Variants in FMN2 observed in about 807,000 individuals in gnomAD.
The protein encoded by FMN2 is formin 2.
FMN2 carries 51 observed loss-of-function variants against 142.3 expected under a neutral mutation model. The observed-to-expected ratio is 0.36, with a 90% CI of 0.29 to 0.45. FMN2 has a LOEUF of 0.45. Ranked by LOEUF, FMN2 falls within the 20% of genes least tolerant of loss-of-function variation. The probability of loss-of-function intolerance (pLI) is 1.00; values close to 1 mark genes in which losing one functional copy is unlikely to be tolerated. For missense variants in FMN2, 1,936 were observed against 2,122.8 expected, an observed-to-expected ratio of 0.91 and a Z score of 1.73; for synonymous variants, 882 against 869.8, an observed-to-expected ratio of 1.01 and a Z score of -0.25.
At chr1:240,316,634 G>T (rs1670789432) in intron 8 of FMN2, among the ~76,000 whole-genome samples, 3 of 152,248 alleles carry the variant, frequency 2.0e-5, no homozygotes, top group Admixed American at 1.3e-4. Flanking sequence ...TCTTTCTTGG[G>T]TATTTGGATC....
Position 240,464,001 on chromosome 1 carries a change from G to GA in FMN2, c.5061-8360dup, listed in dbSNP as rs1037965808. Among the ~76,000 whole-genome samples the GA allele has an allele frequency of 9.7e-3, 1,424 of 147,226 alleles. 18 individuals are homozygous for GA. The highest frequency in any genetic ancestry group is 0.022 in the African/African-American group (902 of 40,286). On this transcript the variant is annotated intron_variant, in intron 16 of 17. Transcript: ENST00000319653. ...CTGGGTGACAGAGGGATACTCCATT[G>GA]AAAAAAAAAAATTAAAAATTAGGGA... is the stretch of plus-strand genomic sequence containing the variant.
rs1246884283 is a variant in FMN2, at chr1:240,460,618, C to T, written c.5061-11754C>T. Among the ~76,000 whole-genome samples the T allele has an allele frequency of 2.6e-5, 4 of 151,450 alleles. No homozygotes were observed. The East Asian group carries it at 7.8e-4, about 29-fold the overall frequency. On this transcript the variant is annotated intron_variant, in intron 16 of 17. Coordinates refer to ENST00000319653, the MANE Select transcript of FMN2 (RefSeq NM_020066.5). The stretch of plus-strand genomic sequence containing the variant: ...TCGAACGATTGTAAGTGAATAGAAA[C>T]ATAAATAAATAAAATACATGTAAAT...
intron 7 of FMN2, among the ~76,000 whole-genome samples, chr1:240,280,912 A>G (rs890080420): frequency 3.3e-5 from 5 of 152,158 alleles, no homozygotes; most frequent in Non-Finnish European, 5.9e-5. Context: ...AATGAAATAC[A>G]ATATCGCTAG....
At chr1:240,251,931 C>T (rs1472877875) in intron 6 of FMN2, among the ~76,000 whole-genome samples, 6 of 152,136 alleles carry the variant, frequency 3.9e-5, no homozygotes, top group Admixed American at 1.3e-4. Context: ...ATTTTTGAGA[C>T]GAAGTCTCAC....
intron 14 of FMN2, 42 bp downstream of exon 14, chr1:240,355,950 G>GTAAAAAAAAAAAAAA (rs1558449489): frequency 1.2e-5 from 1 of 85,582 alleles, no homozygotes; most frequent in African/African-American, 1.8e-4. Flanking sequence ...TCCCCTTTCA[G>GTAAAAAAAAAAAAAA]CAAAAAAAAA....
In FMN2 at chr1:240,092,551, G is replaced by A. The variant is rs562230377; in HGVS notation, c.442G>A (p.Gly148Arg). 13 of 1,612,616 alleles carry A rather than the reference G, an allele frequency of 8.1e-6. No individual in the cohort carries two copies. The East Asian group carries it at 2.9e-4, about 36-fold the overall frequency. ...TGAGGTGACCGGTCCAGGGGGTCCT[G>A]GGCCTGCCGAGGCTAGGGTCGGGGG... Reference protein sequence around the residue: ...PFEVTGPGGPGPAEARVGGRP... With the variant: ...PFEVTGPGGPRPAEARVGGRP... The change falls in exon 1 of 18, where the codon GGG (glycine) becomes AGG (arginine). Residue 148 changes from glycine (G) to arginine (R), a missense_variant. Physicochemically the swap from Gly to Arg is moderately radical, Grantham distance 125. This residue lies in a region of FMN2 where 751 missense variants were observed against 791.8 expected (regional missense o/e 0.95). Transcript: ENST00000319653.
intron 2 of FMN2, among the ~76,000 whole-genome samples, chr1:240,162,419 G>A (rs180816963): frequency 7.7e-4 from 117 of 152,088 alleles, no homozygotes; most frequent in African/African-American, 2.2e-3. Context: ...AACCGAGATC[G>A]CACCACTGCA....
chr1:240,143,669 C>T (rs1036103398), intron 2 of FMN2: 82 of 1,609,504 alleles, frequency 5.1e-5, no homozygotes, highest in Non-Finnish European at 6.9e-5. Context: ...GCCTCGATGG[C>T]CTCACCCTTC....
intron 15 of FMN2, among the ~76,000 whole-genome samples, chr1:240,436,481 T>C (rs1675374549): frequency 6.6e-6 from 1 of 152,090 alleles, no homozygotes; most frequent in Admixed American, 6.6e-5. Context: ...TCTGACTCTT[T>C]TATCTCCTGA....
At chr1:240,323,146 C>A (rs922876159) in intron 8 of FMN2, among the ~76,000 whole-genome samples, 5 of 149,686 alleles carry the variant, frequency 3.3e-5, no homozygotes, top group Admixed American at 1.3e-4. Context: ...CTTTTCCTTT[C>A]CTTTCTCTTT....
chr1:240,353,600 A>G (rs889562576), intron 13 of FMN2, among the ~76,000 whole-genome samples: 28 of 152,312 alleles, frequency 1.8e-4, no homozygotes, highest in African/African-American at 6.7e-4. Flanking sequence ...ACTTTAATAT[A>G]GTGTGGTAGT....
At chr1:240,223,513 C>T (rs1667193730) in intron 6 of FMN2, among the ~76,000 whole-genome samples, 1 of 152,104 alleles carries the variant, frequency 6.6e-6, no homozygotes, top group African/African-American at 2.4e-5. Flanking sequence ...TGAGTTAGGG[C>T]AGAGTCCCTC....
At chr1:240,101,954 A>G (rs1291623522) in intron 1 of FMN2, among the ~76,000 whole-genome samples, 2 of 152,262 alleles carry the variant, frequency 1.3e-5, no homozygotes, top group South Asian at 2.1e-4. Flanking sequence ...ATTATCTGCA[A>G]TGTAAGTCAT....
chr1:240,270,617 C>A (rs1285385212), intron 7 of FMN2, among the ~76,000 whole-genome samples: 5 of 151,838 alleles, frequency 3.3e-5, no homozygotes, highest in Non-Finnish European at 2.9e-5. Context: ...CAGATGATTG[C>A]ATTAAAATAT....
intron 8 of FMN2, among the ~76,000 whole-genome samples, chr1:240,319,447 T>A (rs1670896630): frequency 6.6e-6 from 1 of 152,224 alleles, no homozygotes; most frequent in Admixed American, 6.5e-5. Context: ...GCACACGTTT[T>A]GTGAGAAATT....
chr1:240,299,857 C>T (rs1245531940), intron 8 of FMN2, among the ~76,000 whole-genome samples: 2 of 151,974 alleles, frequency 1.3e-5, no homozygotes, highest in African/African-American at 4.8e-5. Flanking sequence ...TTTTGGTGCA[C>T]AAAGCGGAAC....
chr1:240,272,346 A>G (rs886970581), intron 7 of FMN2, among the ~76,000 whole-genome samples: 3 of 148,878 alleles, frequency 2.0e-5, no homozygotes, highest in African/African-American at 7.3e-5. Flanking sequence ...CCCTTGAACT[A>G]CTTTGTGTAA....
At chr1:240,451,077 A>G (rs777996468) in intron 16 of FMN2, among the ~76,000 whole-genome samples, 2 of 152,102 alleles carry the variant, frequency 1.3e-5, no homozygotes, top group Non-Finnish European at 2.9e-5. Flanking sequence ...TTTTAAAAGC[A>G]TTTGTCTTGG....
At chr1:240,306,086 A>G (rs895362277) in intron 8 of FMN2, among the ~76,000 whole-genome samples, 1 of 151,276 alleles carries the variant, frequency 6.6e-6, no homozygotes, top group African/African-American at 2.4e-5. Flanking sequence ...AGTAGCTGGG[A>G]TTACAGGCAT....
Sources: gnomAD v4.1 joint callset for allele counts (sites outside exome capture counted in the v4.1 genomes callset) on GRCh38, gnomAD v4.1.1 for gene constraint, gnomAD v4.1.1 regional missense constraint, MANE v1.5 for transcripts, NCBI Gene and HGNC (gene_info 2026-07-23, HGNC 2026-07-21) for gene names.